The following FAM81B variants were observed in gnomAD, a reference collection of about 807,000 sequenced individuals.
FAM81B encodes family with sequence similarity 81 member B.
In FAM81B, 60 loss-of-function variants were observed where a neutral mutation model predicts 58.7. That is an observed-to-expected ratio of 1.02 (90% CI 0.83 to 1.27). FAM81B has a LOEUF of 1.27. FAM81B is among the 50% of genes most tolerant of loss of function. The pLI is 0.00. For synonymous variants in FAM81B, 189 were observed against 179.6 expected (o/e 1.05, Z -0.42); for missense variants, 491 against 522.0 (o/e 0.94, Z 0.58).
chr5:95,393,582 T>A (rs1475342137), intron 2 of FAM81B, among the ~76,000 whole-genome samples: 2 of 152,206 alleles, frequency 1.3e-5, no homozygotes, highest in Non-Finnish European at 2.9e-5. Context: ...AGGGCTACAG[T>A]ATGATTATCA....
At chr5:95,402,832 C>G (rs1462525272) in intron 3 of FAM81B, among the ~76,000 whole-genome samples, 1 of 152,228 alleles carries the variant, frequency 6.6e-6, no homozygotes, top group Non-Finnish European at 1.5e-5. Flanking sequence ...ACCCTCTCTA[C>G]TGCATGCATC....
chr5:95,422,670 A>G (rs1233818925), intron 5 of FAM81B, among the ~76,000 whole-genome samples: 1 of 152,194 alleles, frequency 6.6e-6, no homozygotes, highest in Non-Finnish European at 1.5e-5. Flanking sequence ...GTTTTAAATG[A>G]AATATAATTT....
chr5:95,418,041 A>T (rs1021843756), intron 4 of FAM81B, among the ~76,000 whole-genome samples: 2 of 152,234 alleles, frequency 1.3e-5, no homozygotes, highest in African/African-American at 4.8e-5. Flanking sequence ...TTACAGAAAT[A>T]TTAAATGGAA....
chr5:95,444,619 C>G (rs923123918), intron 7 of FAM81B, among the ~76,000 whole-genome samples: 1 of 152,110 alleles, frequency 6.6e-6, no homozygotes, highest in Admixed American at 6.5e-5. Flanking sequence ...ACTAAGAACA[C>G]GAATAGAAAC....
At chr5:95,428,875 A>G in intron 6 of FAM81B, 143 bp downstream of exon 6, 1 of 1,106,772 alleles carries the variant, frequency 9.0e-7, no homozygotes, top group Non-Finnish European at 1.3e-6. Context: ...GCTCACTCAT[A>G]TACGCCATGG....
At chr5:95,432,007 GTCT>G (rs1744918045) in intron 6 of FAM81B, among the ~76,000 whole-genome samples, 1 of 151,914 alleles carries the variant, frequency 6.6e-6, no homozygotes, top group Non-Finnish European at 1.5e-5. Flanking sequence ...GGACATCCTG[GTCT>G]TCTTCCTAAC....
At chr5:95,401,191 A>T (rs557557340) in intron 3 of FAM81B, among the ~76,000 whole-genome samples, 13 of 152,188 alleles carry the variant, frequency 8.5e-5, no homozygotes, top group Non-Finnish European at 1.8e-4. Context: ...ATTTTGCTGA[A>T]CATGAGGAGT....
At chr5:95,434,214 T>C (rs1250249379) in intron 6 of FAM81B, among the ~76,000 whole-genome samples, 4 of 152,134 alleles carry the variant, frequency 2.6e-5, no homozygotes, top group Non-Finnish European at 5.9e-5. Flanking sequence ...AGAGTTGTGT[T>C]TCTTTATGGA....
At chr5:95,442,354 G>A (rs181054721) in intron 7 of FAM81B, among the ~76,000 whole-genome samples, 29 of 152,076 alleles carry the variant, frequency 1.9e-4, no homozygotes, top group African/African-American at 5.1e-4. Flanking sequence ...TACAGTAATC[G>A]TCATTTATGA....
Position 95,448,337 on chromosome 5 carries a change from C to T in FAM81B, c.1098C>T (p.Asn366=), listed in dbSNP as rs1479280296. 3 of 1,611,370 alleles carry T rather than the reference C, an allele frequency of 1.9e-6. No individual in the cohort carries two copies. The highest frequency in any genetic ancestry group is 2.5e-6 in the Non-Finnish European group (3 of 1,179,292). The part of the protein sequence containing the change: ...QLSSKVENFI[N]TQKQETQLSK... ...CAAGCAAAGTAGAGAATTTCATTAA[C>T]ACACAGAAACAGGAAACACAACTAA... The change falls in exon 9 of 10, where the codon AAC becomes AAT. Residue 366 remains asparagine (N), a synonymous_variant. Coordinates refer to ENST00000283357, the MANE Select transcript of FAM81B (RefSeq NM_152548.3).
At chr5:95,400,268 C>T (rs1262133310) in intron 3 of FAM81B, among the ~76,000 whole-genome samples, 1 of 152,106 alleles carries the variant, frequency 6.6e-6, no homozygotes, top group Non-Finnish European at 1.5e-5. Flanking sequence ...GAACCTGTTC[C>T]TTGTCTCCTG....
intron 3 of FAM81B, among the ~76,000 whole-genome samples, chr5:95,405,502 A>G (rs1168769775): frequency 6.6e-6 from 1 of 152,036 alleles, no homozygotes; most frequent in Non-Finnish European, 1.5e-5. Flanking sequence ...TATTTTACTA[A>G]TATCTTCTGT....
intron 3 of FAM81B, among the ~76,000 whole-genome samples, chr5:95,398,705 T>C (rs1762028574): frequency 6.6e-6 from 1 of 152,196 alleles, no homozygotes; most frequent in Non-Finnish European, 1.5e-5. Flanking sequence ...GGAGCCATTC[T>C]AGCAGGAAGG....
At chr5:95,408,075 TGAGAGAGA>T (rs10567707) in intron 3 of FAM81B, among the ~76,000 whole-genome samples, 8,663 of 130,236 alleles carry the variant, frequency 0.067, 320 homozygotes, top group Non-Finnish European at 0.09. Context: ...TCCCCCAAAA[TGAGAGAGA>T]GAGAGAGAGA....
chr5:95,411,582 T>A (rs981288673), intron 3 of FAM81B, among the ~76,000 whole-genome samples: 1 of 152,198 alleles, frequency 6.6e-6, no homozygotes, highest in Non-Finnish European at 1.5e-5. Flanking sequence ...AACACTATGG[T>A]AATTTTATGC....
chr5:95,434,041 A>G (rs7722225), intron 6 of FAM81B, among the ~76,000 whole-genome samples: 10,287 of 152,220 alleles, frequency 0.068, 389 homozygotes, highest in South Asian at 0.15. Flanking sequence ...TTATTCATTT[A>G]TTTTTAAAAT....
intron 7 of FAM81B, among the ~76,000 whole-genome samples, chr5:95,444,293 T>C (rs528286920): frequency 1.3e-5 from 2 of 152,204 alleles, no homozygotes; most frequent in Non-Finnish European, 2.9e-5. Flanking sequence ...TCATGGAGCT[T>C]AACTTTTAGT....
chr5:95,395,524 A>G (rs1761944656), intron 2 of FAM81B, among the ~76,000 whole-genome samples: 1 of 152,004 alleles, frequency 6.6e-6, no homozygotes, highest in Admixed American at 6.6e-5. Flanking sequence ...CTTTCCTGTC[A>G]TAAAAATGCT....
intron 3 of FAM81B, among the ~76,000 whole-genome samples, chr5:95,408,458 C>T (rs972250001): frequency 6.6e-6 from 1 of 152,148 alleles, no homozygotes; most frequent in African/African-American, 2.4e-5. Flanking sequence ...TCAGGTATTA[C>T]ATTTGTATGG....
Sources: allele counts gnomAD v4.1 joint callset (sites outside exome capture counted in the v4.1 genomes callset), GRCh38; gene constraint gnomAD v4.1.1; transcripts MANE v1.5; gene names NCBI Gene and HGNC (gene_info 2026-07-23, HGNC 2026-07-21).